EFL1: variants seen among roughly 807,000 people sequenced by gnomAD.
EFL1 encodes elongation factor like GTPase 1.
In EFL1, 76 loss-of-function variants were observed where a neutral mutation model predicts 126.7. The ratio of observed to expected loss-of-function variants is 0.60; its 90% CI spans 0.50 to 0.73. The LOEUF is 0.73. Ranked by LOEUF, EFL1 falls within the 30% of genes least tolerant of loss-of-function variation. The probability of loss-of-function intolerance (pLI) is 0.00; values close to 1 mark genes in which losing one functional copy is unlikely to be tolerated. For synonymous variants in EFL1, 410 were observed against 448.4 expected, an observed-to-expected ratio of 0.91 and a Z score of 1.08; for missense variants, 1,128 against 1,343.2, an observed-to-expected ratio of 0.84 and a Z score of 2.50.
chr15:82,152,809 A>G (rs1260298054), intron 17 of EFL1, among the ~76,000 whole-genome samples: 1 of 152,182 alleles, frequency 6.6e-6, no homozygotes, highest in Non-Finnish European at 1.5e-5. Context: ...GAAAAGCTCA[A>G]TGATTAAAAC....
chr15:82,176,863 A>G (rs964030978), intron 15 of EFL1, among the ~76,000 whole-genome samples: 11 of 152,264 alleles, frequency 7.2e-5, no homozygotes, highest in African/African-American at 2.7e-4. Context: ...AAATACTGGA[A>G]ATTACTTAAA....
chr15:82,170,595 A>G (rs1453005879), intron 15 of EFL1, among the ~76,000 whole-genome samples: 4 of 152,242 alleles, frequency 2.6e-5, no homozygotes, highest in African/African-American at 2.4e-5. Flanking sequence ...ACCTTATGCA[A>G]TAAGTGGAAG....
intron 9 of EFL1, 64 bp downstream of exon 9, chr15:82,228,970 A>T: frequency 1.5e-6 from 2 of 1,369,696 alleles, no homozygotes; most frequent in Non-Finnish European, 2.0e-6. Flanking sequence ...TGACTCATCA[A>T]ACTGGAAAGT....
intron 1 of EFL1, chr15:82,262,371 T>C (rs138259166): frequency 0.026 from 4,125 of 157,300 alleles, 65 homozygotes; most frequent in African/African-American, 0.043. Context: ...GAAAAACCTC[T>C]ACACTACATG....
chr15:82,197,990 C>T (rs545729511), intron 15 of EFL1, among the ~76,000 whole-genome samples: 3 of 152,252 alleles, frequency 2.0e-5, no homozygotes, highest in East Asian at 3.9e-4. Flanking sequence ...GTTGTGTTAA[C>T]GAAACTGTAG....
intron 19 of EFL1, among the ~76,000 whole-genome samples, chr15:82,131,452 C>T (rs893557310): frequency 2.0e-5 from 3 of 152,100 alleles, no homozygotes; most frequent in African/African-American, 7.2e-5. Context: ...CCACCATGCC[C>T]AGCTAATTTT....
chr15:82,221,715 C>T (rs2074714045), intron 12 of EFL1, among the ~76,000 whole-genome samples: 1 of 152,186 alleles, frequency 6.6e-6, no homozygotes, highest in Non-Finnish European at 1.5e-5. Context: ...TCTTGTTAGG[C>T]AATCAAAACT....
At chr15:82,152,934 G>C (rs1249951818) in intron 17 of EFL1, among the ~76,000 whole-genome samples, 1 of 152,170 alleles carries the variant, frequency 6.6e-6, no homozygotes, top group Non-Finnish European at 1.5e-5. Flanking sequence ...AGTTTGTCTA[G>C]AGCAGCACTT....
intron 4 of EFL1, among the ~76,000 whole-genome samples, chr15:82,248,392 T>C (rs988467286): frequency 6.6e-6 from 1 of 152,128 alleles, no homozygotes; most frequent in Non-Finnish European, 1.5e-5. Context: ...TGCCTCTGAA[T>C]AAGAGATGAC....
chr15:82,151,616 T>A lies in EFL1; in HGVS notation c.2838A>T (p.Gly946=). 6.2e-7 allele frequency: 1 copy of A among 1,614,158 alleles called. No homozygotes were observed. The highest frequency in any genetic ancestry group is 8.5e-7 in the Non-Finnish European group (1 of 1,180,012). The change falls in exon 18 of 20, where the codon GGA becomes GGT. Residue 946 remains glycine, a synonymous_variant. Transcript: ENST00000268206. ...CATAGCAGTCAGTGAGTGGAGATTCTCCTTTCTGTGATGTCCTCTTCTCAA... is the reference window on the plus strand; with the variant it reads ...CATAGCAGTCAGTGAGTGGAGATTCACCTTTCTGTGATGTCCTCTTCTCAA... ...EAFEKRTSQK[G]ESPLTDCYGP... is the part of the protein sequence containing the mutation.
At position 82,130,827 on chromosome 15, in the gene EFL1, G is replaced by A. The variant is rs1017257137; in HGVS notation, c.3175-266C>T. 2.2e-4 allele frequency among the ~76,000 whole-genome samples: 33 copies of A among 149,136 alleles called. 1 individual carries two copies. The highest frequency in any genetic ancestry group is 8.1e-4 in the East Asian group (4 of 4,964). ...GGCCTGGACAACATGGTGAAACCCC[G>A]TCTCTACTAAAATACAACAACAACA... On this transcript the variant is annotated intron_variant, in intron 19 of 19. Transcript: ENST00000268206.
At chr15:82,232,934 C>A (rs541770656) in intron 7 of EFL1, among the ~76,000 whole-genome samples, 1 of 151,766 alleles carries the variant, frequency 6.6e-6, no homozygotes, top group East Asian at 1.9e-4. Context: ...TTTGTGTTAC[C>A]CAGACTGTAT....
intron 11 of EFL1, among the ~76,000 whole-genome samples, chr15:82,226,152 CATT>C (rs1245995920): frequency 2.0e-5 from 3 of 151,008 alleles, no homozygotes; most frequent in Non-Finnish European, 4.4e-5. Flanking sequence ...CTAGTTGTTT[CATT>C]GTTGTTGTTG....
At chr15:82,181,644 GTA>G (rs1555427118) in intron 15 of EFL1, among the ~76,000 whole-genome samples, 79 of 151,212 alleles carry the variant, frequency 5.2e-4, no homozygotes, top group Non-Finnish European at 1.1e-3. Flanking sequence ...GTGTGTGTGT[GTA>G]TATATATATA....
intron 15 of EFL1, among the ~76,000 whole-genome samples, chr15:82,213,769 T>C (rs74030949): frequency 6.6e-6 from 1 of 152,136 alleles, no homozygotes; most frequent in African/African-American, 2.4e-5. Flanking sequence ...ATAAGATGTA[T>C]CAATTGTTAA....
chr15:82,208,189 T>C (rs1199295349), intron 15 of EFL1, among the ~76,000 whole-genome samples: 1 of 151,724 alleles, frequency 6.6e-6, no homozygotes, highest in Middle Eastern at 3.2e-3. Flanking sequence ...GAACTGAAAA[T>C]GAGAAAGATA....
At chr15:82,209,214 C>T (rs1214519772) in intron 15 of EFL1, among the ~76,000 whole-genome samples, 1 of 151,996 alleles carries the variant, frequency 6.6e-6, no homozygotes, top group African/African-American at 2.4e-5. Context: ...TTCTACTGAG[C>T]TTTCCCTTGA....
chr15:82,201,684 T>C (rs2074469468), intron 15 of EFL1, among the ~76,000 whole-genome samples: 1 of 135,148 alleles, frequency 7.4e-6, no homozygotes. Context: ...ATTTTTATAG[T>C]TAATAACTTC....
intron 14 of EFL1, among the ~76,000 whole-genome samples, chr15:82,217,046 G>A (rs1470494670): frequency 1.3e-5 from 2 of 151,892 alleles, no homozygotes; most frequent in Non-Finnish European, 1.5e-5. Flanking sequence ...CTTCACACGA[G>A]AACACAAGAT....
Sources: allele counts gnomAD v4.1 joint callset (sites outside exome capture counted in the v4.1 genomes callset), GRCh38; gene constraint gnomAD v4.1.1; transcripts MANE v1.5; gene names NCBI Gene and HGNC (gene_info 2026-07-23, HGNC 2026-07-21).